The following ATXN1 variants were observed in gnomAD, a reference collection of about 807,000 sequenced individuals.
The protein encoded by ATXN1 is ataxin-1.
In ATXN1, 8 loss-of-function variants were observed where a neutral mutation model predicts 56.4. The observed-to-expected ratio is 0.14, with a 90% CI of 0.08 to 0.26. The LOEUF is 0.26. Ranked by LOEUF, ATXN1 falls within the 10% of genes least tolerant of loss-of-function variation. ATXN1 has a pLI of 1.00. For missense variants in ATXN1, 987 were observed against 1,106.5 expected, an observed-to-expected ratio of 0.89 and a Z score of 1.53; for synonymous variants, 514 against 494.6, an observed-to-expected ratio of 1.04 and a Z score of -0.52.
Position 16,328,034 on chromosome 6 carries a change from G to C in ATXN1, c.277C>G (p.Pro93Ala). 6.2e-7 allele frequency: 1 copy of C among 1,613,772 alleles called. No homozygotes were observed. Among genetic ancestry groups the C allele is most frequent in the African/African-American group, 1.3e-5 (1 of 75,052 alleles). ...GTGGTGGCCACGGGGACAGACCTGG[G>C]AGCGCTGGGCGGGGAGTAGTCCAGC... ...TGLDYSPPSAPRSVPVATTLP... is the reference protein window; with the variant it reads ...TGLDYSPPSAARSVPVATTLP... The change falls in exon 7 of 8, where the codon CCC (proline) becomes GCC (alanine). Residue 93 changes from proline to alanine, a missense_variant. Around this residue, in one of 3 missense-constraint regions of ATXN1, gnomAD observed 723 missense variants for 791.7 expected, o/e 0.91. Coordinates refer to ENST00000436367, the MANE Select transcript of ATXN1 (RefSeq NM_001128164.2). This position sits in a 1 kb window ranked among gnomAD's most constrained non-coding sequence, Gnocchi z 6.2.
intron 4 of ATXN1, among the ~76,000 whole-genome samples, chr6:16,565,618 T>C (rs1762203354): frequency 6.6e-6 from 1 of 152,242 alleles, no homozygotes; most frequent in Admixed American, 6.5e-5. Flanking sequence ...TGGGTAATGC[T>C]GGCTTTTAAC....
In ATXN1 at chr6:16,328,095, T is replaced by C; in HGVS notation, c.216A>G (p.Gln72=). Residue 72 remains glutamine (Q), a synonymous_variant, in exon 7 of 8, where the codon CAA becomes CAG. Transcript: ENST00000436367. The surrounding 1 kb of genome is among the most constrained non-coding windows in gnomAD (Gnocchi z 6.2). ...PAGTSVELGL[Q]QGIGLHKALS... ...ATGCTTTGTGTAAACCTATTCCCTGTTGTAAACCAAGCTCCACCGAGGTCC... is the reference window on the plus strand; with the variant it reads ...ATGCTTTGTGTAAACCTATTCCCTGCTGTAAACCAAGCTCCACCGAGGTCC... The C allele has an allele frequency of 1.2e-6, 2 of 1,603,292 alleles. No homozygotes were observed. The highest frequency in any genetic ancestry group is 1.7e-6 in the Non-Finnish European group (2 of 1,171,982).
intron 5 of ATXN1, among the ~76,000 whole-genome samples, chr6:16,501,412 C>G (rs1314821845): frequency 6.6e-6 from 1 of 151,972 alleles, no homozygotes; most frequent in Non-Finnish European, 1.5e-5. Flanking sequence ...ACCTATCAAC[C>G]CATCATCTAG....
intron 2 of ATXN1, among the ~76,000 whole-genome samples, chr6:16,727,610 T>A (rs1023833098): frequency 6.6e-6 from 1 of 152,182 alleles, no homozygotes; most frequent in Non-Finnish European, 1.5e-5. Flanking sequence ...TATATAATCA[T>A]ATAATGCATG....
At chr6:16,748,273 C>T (rs1760599520) in intron 2 of ATXN1, among the ~76,000 whole-genome samples, 1 of 152,178 alleles carries the variant, frequency 6.6e-6, no homozygotes, top group African/African-American at 2.4e-5. Context: ...AACAGACAGG[C>T]AGGCATCAAA....
At chr6:16,496,439 T>C (rs755587091) in intron 5 of ATXN1, among the ~76,000 whole-genome samples, 1 of 152,192 alleles carries the variant, frequency 6.6e-6, no homozygotes, top group Non-Finnish European at 1.5e-5. Flanking sequence ...GAAGATTTGA[T>C]ACCATATTTG....
chr6:16,722,762 G>A (rs1408337693), intron 2 of ATXN1, among the ~76,000 whole-genome samples: 1 of 152,164 alleles, frequency 6.6e-6, no homozygotes, highest in Non-Finnish European at 1.5e-5. Context: ...AAAAACTGAG[G>A]TGTAGTTACT....
rs1762612261 is a variant in ATXN1, at chr6:16,585,887, C to A, written c.-468G>T. ...AGTAGAAAGGGTGGCAGTGGAGAAT[C>A]TCAGTGTAAAACGCCTAGACCTGTA... On this transcript the variant is annotated 5_prime_UTR_variant, in exon 4 of 8. Transcript: ENST00000436367. 6.6e-6 allele frequency: 1 copy of A among 152,174 alleles called. No homozygotes were observed. 9.4% of individuals were successfully genotyped at this position (152,174 alleles called of 1,614,324 possible). A position where few individuals can be genotyped will look rare whatever the true frequency, so the allele number is the denominator to read the frequency against.
At chr6:16,713,861 T>C (rs1759577601) in intron 2 of ATXN1, among the ~76,000 whole-genome samples, 2 of 152,120 alleles carry the variant, frequency 1.3e-5, no homozygotes, top group South Asian at 4.1e-4. Context: ...AATCGTCAAA[T>C]CTTAACTGGT....
At chr6:16,511,520 G>A (rs987417425) in intron 5 of ATXN1, among the ~76,000 whole-genome samples, 2 of 152,202 alleles carry the variant, frequency 1.3e-5, no homozygotes, top group Admixed American at 6.5e-5. Flanking sequence ...CAGGGTGCCC[G>A]ATTTCCATTC....
At chr6:16,646,286 C>G (rs1763797532) in intron 3 of ATXN1, among the ~76,000 whole-genome samples, 1 of 152,122 alleles carries the variant, frequency 6.6e-6, no homozygotes, top group South Asian at 2.1e-4. Flanking sequence ...TAAATTCCTG[C>G]TAAGAGTGAT....
chr6:16,537,552 C>T (rs893004923), intron 4 of ATXN1, among the ~76,000 whole-genome samples: 1 of 151,418 alleles, frequency 6.6e-6, no homozygotes, highest in African/African-American at 2.4e-5. Flanking sequence ...TAAAAAGACG[C>T]AAAATTAGCT....
At chr6:16,692,567 A>C (rs1383009013) in intron 2 of ATXN1, among the ~76,000 whole-genome samples, 1 of 152,212 alleles carries the variant, frequency 6.6e-6, no homozygotes, top group African/African-American at 2.4e-5. Context: ...GGGTACAAAT[A>C]CCTAATTTTT....
At chr6:16,671,309 C>CTT (rs1004376884) in intron 2 of ATXN1, among the ~76,000 whole-genome samples, 23 of 29,712 alleles carry the variant, frequency 7.7e-4, no homozygotes, top group Middle Eastern at 0.013. Context: ...TCTTTTCTTT[C>CTT]TTTTTTTTTT....
At chr6:16,629,752 C>G (rs1763471922) in intron 3 of ATXN1, among the ~76,000 whole-genome samples, 1 of 151,732 alleles carries the variant, frequency 6.6e-6, no homozygotes, top group African/African-American at 2.4e-5. Flanking sequence ...CCTGTCTCTA[C>G]TAAAAATACA....
chr6:16,355,669 C>A (rs1289385019), intron 6 of ATXN1, among the ~76,000 whole-genome samples: 1 of 152,032 alleles, frequency 6.6e-6, no homozygotes, highest in African/African-American at 2.4e-5. Flanking sequence ...TCAAACAATT[C>A]TCCTGCCTCA....
At chr6:16,735,512 A>C (rs1224617073) in intron 2 of ATXN1, among the ~76,000 whole-genome samples, 5 of 152,234 alleles carry the variant, frequency 3.3e-5, no homozygotes, top group Non-Finnish European at 5.9e-5. Context: ...GTTTATAAGA[A>C]AAGTGTGAAG....
chr6:16,664,622 A>G (rs1758389070), intron 2 of ATXN1, among the ~76,000 whole-genome samples: 1 of 152,064 alleles, frequency 6.6e-6, no homozygotes, highest in South Asian at 2.1e-4. Flanking sequence ...CCCAAAATAT[A>G]TTTTACCACA....
chr6:16,698,033 G>A (rs749160219), intron 2 of ATXN1, among the ~76,000 whole-genome samples: 1 of 152,198 alleles, frequency 6.6e-6, no homozygotes, highest in Non-Finnish European at 1.5e-5. Flanking sequence ...ATTGCCAGGA[G>A]CACCGGGAGG....
Sources: allele counts gnomAD v4.1 joint callset (sites outside exome capture counted in the v4.1 genomes callset), GRCh38; gene constraint gnomAD v4.1.1; regional missense constraint gnomAD v4.1.1; non-coding constraint Gnocchi (gnomAD v3.1); transcripts MANE v1.5; gene names NCBI Gene and HGNC (gene_info 2026-07-23, HGNC 2026-07-21).